PRKN: variants seen among roughly 807,000 people sequenced by gnomAD.
The protein encoded by PRKN is E3 ubiquitin-protein ligase parkin.
PRKN carries 56 observed loss-of-function variants against 59.5 expected under a neutral mutation model. The observed-to-expected ratio is 0.94, with a 90% CI of 0.76 to 1.18. The LOEUF (loss-of-function observed/expected upper bound fraction) is 1.18. Among genes scored for constraint, PRKN ranks in the 50% most tolerant of loss-of-function variants. PRKN has a pLI of 0.00. For synonymous variants in PRKN, 250 were observed against 222.1 expected (o/e 1.13, Z -1.12); for missense variants, 657 against 596.4 (o/e 1.10, Z -1.06).
At chr6:162,178,559 C>A (rs1040112098) in intron 4 of PRKN, among the ~76,000 whole-genome samples, 2 of 152,166 alleles carry the variant, frequency 1.3e-5, no homozygotes, top group African/African-American at 4.8e-5. Flanking sequence ...GTACCTACTA[C>A]CAAGCTATTT....
intron 3 of PRKN, among the ~76,000 whole-genome samples, chr6:162,230,359 T>C (rs1778370235): frequency 6.6e-6 from 1 of 152,194 alleles, no homozygotes; most frequent in Admixed American, 6.5e-5. Flanking sequence ...AGCCAGCTCC[T>C]TGGCTAGAAG....
intron 7 of PRKN, among the ~76,000 whole-genome samples, chr6:161,707,085 T>C (rs1423180150): frequency 1.3e-5 from 2 of 152,338 alleles, no homozygotes; most frequent in African/African-American, 4.8e-5. Context: ...TACATGTGTT[T>C]GGTAGATTTG....
chr6:161,511,529 T>C (rs1583171842), intron 9 of PRKN, among the ~76,000 whole-genome samples: 2 of 152,186 alleles, frequency 1.3e-5, no homozygotes, highest in East Asian at 3.9e-4. Flanking sequence ...GCATCTTTCA[T>C]GGACTCCACA....
chr6:162,410,284 G>A (rs556509982), intron 2 of PRKN, among the ~76,000 whole-genome samples: 5 of 152,178 alleles, frequency 3.3e-5, no homozygotes, highest in Non-Finnish European at 7.4e-5. Flanking sequence ...CCCATGGGGG[G>A]AAGAGATCCT....
At chr6:161,873,566 A>G (rs1413683183) in intron 6 of PRKN, among the ~76,000 whole-genome samples, 1 of 151,970 alleles carries the variant, frequency 6.6e-6, no homozygotes, top group Non-Finnish European at 1.5e-5. Flanking sequence ...AGCCAGAAAA[A>G]AATGGAAATC....
chr6:162,211,044 G>T (rs1279135605), intron 3 of PRKN, among the ~76,000 whole-genome samples: 1 of 152,086 alleles, frequency 6.6e-6, no homozygotes, highest in Non-Finnish European at 1.5e-5. Context: ...CAGCACTCGG[G>T]GTCATCAGAG....
intron 7 of PRKN, among the ~76,000 whole-genome samples, chr6:161,660,015 C>T (rs962783911): frequency 1.4e-4 from 21 of 152,036 alleles, no homozygotes; most frequent in Admixed American, 3.9e-4. Context: ...ATGATGTATC[C>T]GAATGGCAGC....
At position 161,727,917 on chromosome 6, in the gene PRKN, T is replaced by C. The variant is rs143780380; in HGVS notation, c.871+57855A>G. Among the ~76,000 whole-genome samples, 41 of 152,266 alleles carry C rather than the reference T, an allele frequency of 2.7e-4. 1 individual carries two copies. Among genetic ancestry groups the C allele is most frequent in the African/African-American group, 9.9e-4 (41 of 41,556 alleles). On this transcript the variant is annotated intron_variant, in intron 7 of 11. Transcript: ENST00000366898. ...TTAATGAAAAGAAAACCCAATTCCATACCCCAGAAAATGATCCTGAACATA... is the reference window on the plus strand; with the variant it reads ...TTAATGAAAAGAAAACCCAATTCCACACCCCAGAAAATGATCCTGAACATA...
intron 9 of PRKN, among the ~76,000 whole-genome samples, chr6:161,531,297 C>T (rs1020028284): frequency 2.6e-5 from 4 of 151,130 alleles, no homozygotes; most frequent in Admixed American, 6.6e-5. Context: ...AGGAGAATGG[C>T]GTGAACCCGG....
At chr6:162,160,945 G>A (rs1414956522) in intron 4 of PRKN, among the ~76,000 whole-genome samples, 3 of 145,472 alleles carry the variant, frequency 2.1e-5, no homozygotes, top group African/African-American at 7.6e-5. Context: ...CTATCAGGCA[G>A]AGATAATAAA....
intron 4 of PRKN, among the ~76,000 whole-genome samples, chr6:162,175,116 A>G (rs1783472697): frequency 4.6e-5 from 7 of 152,168 alleles, no homozygotes. Context: ...AGCAGCAGAA[A>G]CCAACTCTGG....
intron 7 of PRKN, among the ~76,000 whole-genome samples, chr6:161,767,793 G>C (rs935691844): frequency 2.0e-5 from 3 of 152,074 alleles, no homozygotes; most frequent in African/African-American, 7.2e-5. Flanking sequence ...GGGGATGGGA[G>C]TGCAGGGAGG....
At position 161,806,129 on chromosome 6, in the gene PRKN, G is replaced by A. The variant is rs191258250; in HGVS notation, c.735-20221C>T. On this transcript the variant is annotated intron_variant, in intron 6 of 11. Coordinates refer to ENST00000366898, the MANE Select transcript of PRKN (RefSeq NM_004562.3). ...TGTCCACTTCAAAATCAAGGCCTCTGATGATCAACGTGATTGGTCGTCCAA... is the reference window on the plus strand; with the variant it reads ...TGTCCACTTCAAAATCAAGGCCTCTAATGATCAACGTGATTGGTCGTCCAA... Among the ~76,000 whole-genome samples, 26 of 152,294 alleles carry A rather than the reference G, an allele frequency of 1.7e-4. No individual in the cohort carries two copies. In the East Asian group the frequency reaches 4.3e-3, roughly 25 times the overall value.
intron 4 of PRKN, among the ~76,000 whole-genome samples, chr6:162,192,442 ATTTTTTTTTT>A (rs10534285): frequency 2.7e-5 from 2 of 74,730 alleles, no homozygotes; most frequent in Admixed American, 1.5e-4. Flanking sequence ...AATTATAGGG[ATTTTTTTTTT>A]TTTTTTTTTT....
At chr6:161,394,535 G>T (rs907614088) in intron 9 of PRKN, among the ~76,000 whole-genome samples, 2 of 152,154 alleles carry the variant, frequency 1.3e-5, no homozygotes, top group Non-Finnish European at 1.5e-5. Context: ...ATTCTTGCAA[G>T]CTCTGAAAAG....
rs1422429164 is a variant in PRKN at position 161,376,459 on chromosome 6, C to T, written c.1167+10335G>A. Among the ~76,000 whole-genome samples the T allele has an allele frequency of 2.6e-5, 4 of 152,290 alleles. No individual in the cohort carries two copies. Among genetic ancestry groups the T allele is most frequent in the South Asian group, 2.1e-4 (1 of 4,822 alleles). On this transcript the variant is annotated intron_variant, in intron 10 of 11. Coordinates refer to ENST00000366898, the MANE Select transcript of PRKN (RefSeq NM_004562.3). This position sits in a 1 kb window ranked among gnomAD's most constrained non-coding sequence, Gnocchi z 7.3. Reference sequence around the variant, plus strand: ...AGACATTCATGCATCAACATTAACCCGTCTCCTCTCATCCTGTCTTCTAAT... The same window carrying T: ...AGACATTCATGCATCAACATTAACCTGTCTCCTCTCATCCTGTCTTCTAAT...
At chr6:162,347,252 A>AT (rs1162570372) in intron 2 of PRKN, among the ~76,000 whole-genome samples, 1 of 150,708 alleles carries the variant, frequency 6.6e-6, no homozygotes, top group African/African-American at 2.4e-5. Flanking sequence ...TTCCTTTCTG[A>AT]TGAAAAAAAA....
At chr6:161,892,923 A>G (rs891929468) in intron 6 of PRKN, among the ~76,000 whole-genome samples, 1 of 152,112 alleles carries the variant, frequency 6.6e-6, no homozygotes, top group Non-Finnish European at 1.5e-5. Context: ...CCTCACTGCA[A>G]CCTCTGCCAC....
At chr6:161,772,127 C>T (rs546408454) in intron 7 of PRKN, among the ~76,000 whole-genome samples, 13 of 152,146 alleles carry the variant, frequency 8.5e-5, no homozygotes, top group Admixed American at 2.6e-4. Context: ...ATGATGATGG[C>T]GGTAGTGATG....
Sources: allele counts gnomAD v4.1 joint callset (sites outside exome capture counted in the v4.1 genomes callset), GRCh38; gene constraint gnomAD v4.1.1; non-coding constraint Gnocchi (gnomAD v3.1); transcripts MANE v1.5; gene names NCBI Gene and HGNC (gene_info 2026-07-23, HGNC 2026-07-21).